Variants in ADISSP observed in about 807,000 individuals in gnomAD.
The protein encoded by ADISSP is adipose-secreted signaling protein.
At chr20:3,760,230 T>G in the ADISSP span, 7 of 686,034 alleles carry the variant, frequency 1.0e-5, no homozygotes, top group African/African-American at 1.1e-4. Flanking sequence ...GGGCCACTCA[T>G]GGACCCATGG....
At chr20:3,753,970 G>T in the ADISSP span, 3 of 1,012,574 alleles carry the variant, frequency 3.0e-6, no homozygotes, top group African/African-American at 3.2e-5. Context: ...CCAGAGAGGG[G>T]CGAGGAAGCC....
the ADISSP span, among the ~76,000 whole-genome samples, chr20:3,765,678 C>T: frequency 6.6e-6 from 1 of 152,172 alleles, no homozygotes; most frequent in East Asian, 1.9e-4. Context: ...CGTCAGCCTT[C>T]TTGGAAAACA....
the ADISSP span, chr20:3,759,881 C>T: frequency 1.2e-6 from 1 of 808,522 alleles, no homozygotes; most frequent in Non-Finnish European, 2.0e-6. The surrounding 1 kb of genome is among the most constrained non-coding windows in gnomAD (Gnocchi z 4.6). Flanking sequence ...CTGCAGGGGT[C>T]CTGCTAGGGC....
the ADISSP span, among the ~76,000 whole-genome samples, chr20:3,758,312 A>G: frequency 6.6e-6 from 1 of 152,262 alleles, no homozygotes; most frequent in Non-Finnish European, 1.5e-5. This position sits in a 1 kb window ranked among gnomAD's most constrained non-coding sequence, Gnocchi z 5.5. Context: ...TGGGTGAAGC[A>G]GATGACAGCA....
At chr20:3,753,991 G>A in the ADISSP span, 3 of 1,240,090 alleles carry the variant, frequency 2.4e-6, no homozygotes, top group Admixed American at 3.6e-5. Flanking sequence ...ACACCATCAC[G>A]CAGCATGTCG....
the ADISSP span, among the ~76,000 whole-genome samples, chr20:3,765,179 C>T: frequency 1.1e-4 from 17 of 152,212 alleles, no homozygotes; most frequent in African/African-American, 3.9e-4. Context: ...TCGCTGTCCT[C>T]GGGGAGCTAG....
chr20:3,760,816 C>T, the ADISSP span, among the ~76,000 whole-genome samples: 1 of 152,190 alleles, frequency 6.6e-6, no homozygotes, highest in Non-Finnish European at 1.5e-5. Flanking sequence ...CTCAGCTCCC[C>T]AACGGCAGCC....
chr20:3,754,255 G>A, the ADISSP span: 1 of 1,469,138 alleles, frequency 6.8e-7, no homozygotes, highest in Non-Finnish European at 9.5e-7. Context: ...GGATCAGCTG[G>A]AGGTAGGGAC....
the ADISSP span, among the ~76,000 whole-genome samples, chr20:3,762,997 T>G: frequency 6.6e-6 from 1 of 152,200 alleles, no homozygotes. Context: ...GGCTCACACC[T>G]GTAATCCCAG....
the ADISSP span, chr20:3,767,280 G>A: frequency 1.3e-5 from 2 of 152,254 alleles, no homozygotes; most frequent in African/African-American, 4.8e-5. Flanking sequence ...GGGTGCTGAG[G>A]CTCGGAGGCT....
At chr20:3,760,459 A>T in the ADISSP span, among the ~76,000 whole-genome samples, 1 of 152,228 alleles carries the variant, frequency 6.6e-6, no homozygotes, top group African/African-American at 2.4e-5. Context: ...AAGCAACAGC[A>T]TAGGACTCCT....
chr20:3,754,001 G>A, the ADISSP span: 60 of 1,322,298 alleles, frequency 4.5e-5, 1 homozygote, highest in South Asian at 3.0e-4. Flanking sequence ...GCAGCATGTC[G>A]GGGGGACAAG....
At chr20:3,766,544 C>T in the ADISSP span, among the ~76,000 whole-genome samples, 2 of 152,316 alleles carry the variant, frequency 1.3e-5, no homozygotes, top group African/African-American at 4.8e-5. Flanking sequence ...AGCATTCTCC[C>T]CACTTTGCCC....
chr20:3,759,864 C>G, the ADISSP span: 2 of 693,522 alleles, frequency 2.9e-6, no homozygotes, highest in African/African-American at 3.5e-5. The surrounding 1 kb of genome is among the most constrained non-coding windows in gnomAD (Gnocchi z 4.6). Context: ...AAGGAGTCAG[C>G]AGGGCTCTGC....
chr20:3,765,522 G>C, the ADISSP span, among the ~76,000 whole-genome samples: 3 of 152,188 alleles, frequency 2.0e-5, no homozygotes, highest in East Asian at 5.8e-4. Context: ...CTGAAGCTCT[G>C]TGACAATGCA....
At chr20:3,758,123 G>GT in the ADISSP span, among the ~76,000 whole-genome samples, 1 of 152,216 alleles carries the variant, frequency 6.6e-6, no homozygotes, top group African/African-American at 2.4e-5. This position sits in a 1 kb window ranked among gnomAD's most constrained non-coding sequence, Gnocchi z 5.5. Flanking sequence ...CTTCACACCT[G>GT]TATCACATAC....
At chr20:3,755,413 C>G in the ADISSP span, 1 of 1,545,690 alleles carries the variant, frequency 6.5e-7, no homozygotes, top group East Asian at 2.3e-5. Context: ...AGTAAGGGAG[C>G]ACCCCATGTT....
chr20:3,754,568 A>C, the ADISSP span: 1 of 1,591,178 alleles, frequency 6.3e-7, no homozygotes, highest in South Asian at 1.1e-5. Context: ...AGCCTCCCCG[A>C]TCCTGCCCCT....
At chr20:3,766,204 G>A in the ADISSP span, among the ~76,000 whole-genome samples, 12 of 152,206 alleles carry the variant, frequency 7.9e-5, no homozygotes, top group African/African-American at 2.9e-4. Context: ...GCTCACGCCT[G>A]TGAAAAGAAC....
Sources: gnomAD v4.1 joint callset for allele counts (sites outside exome capture counted in the v4.1 genomes callset) on GRCh38, gnomAD v4.1.1 for gene constraint, Gnocchi (gnomAD v3.1) non-coding constraint, MANE v1.5 for transcripts, NCBI Gene and HGNC (gene_info 2026-07-23, HGNC 2026-07-21) for gene names.